The following MEGF10 variants were observed in gnomAD, a reference collection of about 807,000 sequenced individuals.
The protein encoded by MEGF10 is multiple epidermal growth factor-like domains protein 10.
A neutral mutation model predicts 147.5 loss-of-function variants in MEGF10; 86 were observed. The ratio of observed to expected loss-of-function variants is 0.58; its 90% confidence interval spans 0.49 to 0.70. The LOEUF (loss-of-function observed/expected upper bound fraction) is 0.70. MEGF10 is among the 30% of genes least tolerant of loss of function. The pLI, the probability that MEGF10 is intolerant of heterozygous loss-of-function variation, is 0.00. For synonymous variants in MEGF10, 478 were observed against 525.5 expected, an observed-to-expected ratio of 0.91 and a Z score of 1.24; for missense variants, 1,329 against 1,487.3, an observed-to-expected ratio of 0.89 and a Z score of 1.75.
At chr5:127,248,018 G>GAAATGC in the MEGF10 span, among the ~76,000 whole-genome samples, 1 of 152,074 alleles carries the variant, frequency 6.6e-6, no homozygotes, top group Non-Finnish European at 1.5e-5. Context: ...CAAAGGAAAG[G>GAAATGC]AAATGCCAGA....
the MEGF10 span, among the ~76,000 whole-genome samples, chr5:127,230,933 G>C: frequency 6.6e-6 from 1 of 152,098 alleles, no homozygotes; most frequent in Non-Finnish European, 1.5e-5. Context: ...AGGCAAAATT[G>C]CCCAGAGTTG....
chr5:127,277,297 C>T, the MEGF10 span, among the ~76,000 whole-genome samples: 4 of 152,308 alleles, frequency 2.6e-5, no homozygotes, highest in African/African-American at 9.6e-5. Flanking sequence ...GAGCAGACCA[C>T]ATCCAAAGAC....
chr5:127,398,860 C>T lies in MEGF10; in HGVS notation c.780+64C>T. ...GTCACCCATTCCAGGATACTCAGTG[C>T]ATACACATGCAGGAGACTTTAGCAC... On this transcript the variant is annotated intron_variant, in intron 7 of 24. Transcript: ENST00000503335. 3 of 1,599,826 alleles carry T rather than the reference C, an allele frequency of 1.9e-6. No individual in the cohort carries two copies. The Admixed American group carries it at 5.0e-5, about 27-fold the overall frequency.
intron 13 of MEGF10, among the ~76,000 whole-genome samples, chr5:127,430,788 G>C (rs1038116716): frequency 6.6e-6 from 1 of 152,112 alleles, no homozygotes; most frequent in Non-Finnish European, 1.5e-5. Flanking sequence ...AGACATACTT[G>C]ATATTTATCT....
At chr5:127,433,576 C>G (rs1765461708) in intron 14 of MEGF10, 67 bp downstream of exon 14, 1 of 1,519,736 alleles carries the variant, frequency 6.6e-7, no homozygotes. Context: ...GAATAATGAT[C>G]TCTGTCCCAC....
At chr5:127,422,807 C>A (rs753751619) in intron 13 of MEGF10, 35 bp downstream of exon 13, 2 of 1,525,194 alleles carry the variant, frequency 1.3e-6, no homozygotes, top group Admixed American at 1.7e-5. Flanking sequence ...AAAGGTGAAA[C>A]CCGCCAATTT....
chr5:127,334,249 T>C (rs1284533356), intron 2 of MEGF10, among the ~76,000 whole-genome samples: 1 of 152,124 alleles, frequency 6.6e-6, no homozygotes, highest in Non-Finnish European at 1.5e-5. Context: ...TAAGCTCTTC[T>C]TATGCTCAAA....
chr5:127,413,833 T>C (rs1258369489), intron 9 of MEGF10, among the ~76,000 whole-genome samples: 3 of 152,230 alleles, frequency 2.0e-5, no homozygotes, highest in Admixed American at 6.5e-5. Context: ...TGAAAACCAG[T>C]GTGCTGCACT....
the MEGF10 span, among the ~76,000 whole-genome samples, chr5:127,251,083 T>TA: frequency 6.6e-6 from 1 of 152,074 alleles, no homozygotes; most frequent in Non-Finnish European, 1.5e-5. Flanking sequence ...AATCATTATT[T>TA]ATGAAACTTA....
At chr5:127,430,884 G>A (rs77292378) in intron 13 of MEGF10, among the ~76,000 whole-genome samples, 2,090 of 152,318 alleles carry the variant, frequency 0.014, 29 homozygotes, top group East Asian at 0.05. Context: ...GAATTTTTAA[G>A]AGGGTGTTGG....
chr5:127,298,371 G>A (rs1417949578), intron 1 of MEGF10, among the ~76,000 whole-genome samples: 1 of 152,168 alleles, frequency 6.6e-6, no homozygotes, highest in East Asian at 1.9e-4. Flanking sequence ...GATAACCACA[G>A]TATAAAGTAT....
chr5:127,360,171 T>C (rs957719132), intron 4 of MEGF10, among the ~76,000 whole-genome samples: 1 of 152,106 alleles, frequency 6.6e-6, no homozygotes, highest in Non-Finnish European at 1.5e-5. Context: ...TTCTTTACTT[T>C]CTCTCAACAA....
At chr5:127,453,755 C>A (rs1157480122) in intron 22 of MEGF10, among the ~76,000 whole-genome samples, 1 of 152,190 alleles carries the variant, frequency 6.6e-6, no homozygotes, top group Non-Finnish European at 1.5e-5. Flanking sequence ...CACGTATACA[C>A]CAGATAGTAT....
the MEGF10 span, among the ~76,000 whole-genome samples, chr5:127,267,339 G>A: frequency 6.6e-6 from 1 of 152,164 alleles, no homozygotes; most frequent in Non-Finnish European, 1.5e-5. Flanking sequence ...TTTTATTGAG[G>A]ATTTTTGCAT....
intron 4 of MEGF10, among the ~76,000 whole-genome samples, chr5:127,342,874 T>G (rs1761736508): frequency 6.6e-6 from 1 of 152,090 alleles, no homozygotes; most frequent in Non-Finnish European, 1.5e-5. Context: ...TTTAATCAGC[T>G]TACTCTCTAG....
intron 1 of MEGF10, among the ~76,000 whole-genome samples, chr5:127,308,781 T>C (rs1431657310): frequency 6.6e-6 from 1 of 151,898 alleles, no homozygotes; most frequent in East Asian, 1.9e-4. Flanking sequence ...AGTTAATGGG[T>C]GCAGCACACC....
At chr5:127,303,107 T>C (rs1445269048) in intron 1 of MEGF10, among the ~76,000 whole-genome samples, 2 of 151,872 alleles carry the variant, frequency 1.3e-5, no homozygotes. Context: ...GAGGCCAAGG[T>C]GGGCGGATCA....
At chr5:127,273,119 G>T in the MEGF10 span, among the ~76,000 whole-genome samples, 2 of 152,314 alleles carry the variant, frequency 1.3e-5, no homozygotes, top group East Asian at 3.9e-4. Flanking sequence ...CTTTGTGCAT[G>T]CCGGAGCAGC....
intron 15 of MEGF10, among the ~76,000 whole-genome samples, chr5:127,435,089 G>T (rs1361564589): frequency 6.6e-6 from 1 of 152,104 alleles, no homozygotes; most frequent in Non-Finnish European, 1.5e-5. Flanking sequence ...ATCAATATGC[G>T]GAAGAATTTT....
Sources: allele counts gnomAD v4.1 joint callset (sites outside exome capture counted in the v4.1 genomes callset), GRCh38; gene constraint gnomAD v4.1.1; transcripts MANE v1.5; gene names NCBI Gene and HGNC (gene_info 2026-07-23, HGNC 2026-07-21).